The following CHEK1 variants were observed in gnomAD, a reference collection of about 807,000 sequenced individuals.
CHEK1 encodes checkpoint kinase 1.
A neutral mutation model predicts 60.2 loss-of-function variants in CHEK1; 32 were observed. The observed-to-expected ratio is 0.53, with a 90% CI of 0.40 to 0.71. The LOEUF (loss-of-function observed/expected upper bound fraction) is 0.71. Among genes scored for constraint, CHEK1 ranks in the 30% least tolerant of loss-of-function variants. The probability of loss-of-function intolerance (pLI) is 0.00; values close to 1 mark genes in which losing one functional copy is unlikely to be tolerated. For synonymous variants in CHEK1, 179 were observed against 187.2 expected (o/e 0.96, Z 0.36); for missense variants, 399 against 564.6 (o/e 0.71, Z 2.97).
intron 11 of CHEK1, among the ~76,000 whole-genome samples, chr11:125,651,938 C>T (rs1941752619): frequency 6.6e-6 from 1 of 152,154 alleles, no homozygotes; most frequent in Non-Finnish European, 1.5e-5. Context: ...GACATCACTC[C>T]TTGATTCACT....
chr11:125,625,881 C>A lies in CHEK1; in HGVS notation c.-152C>A, dbSNP rs777220059. On this transcript the variant is annotated 5_prime_UTR_variant, in exon 1 of 13. Coordinates refer to ENST00000438015, the MANE Select transcript of CHEK1 (RefSeq NM_001114122.3). ...TTGGAGCCGCCGACATTCAGAGGGG[C>A]AGGACACGGGAACGCGCGCTGTCTT... 1.9e-5 allele frequency: 13 copies of A among 702,546 alleles called. No individual in the cohort carries two copies. The highest frequency in any genetic ancestry group is 2.6e-5 in the Non-Finnish European group (10 of 385,026). The allele number at this position is 702,546 out of a possible 1,614,324, so 43.5% of individuals were successfully genotyped here.
At chr11:125,652,140 G>T (rs572513588) in intron 11 of CHEK1, among the ~76,000 whole-genome samples, 1 of 152,100 alleles carries the variant, frequency 6.6e-6, no homozygotes, top group Non-Finnish European at 1.5e-5. Context: ...TTGTAATTTG[G>T]GCTGTGTTTT....
intron 13 of CHEK1, among the ~76,000 whole-genome samples, chr11:125,664,647 G>C (rs1942069039): frequency 6.6e-6 from 1 of 152,108 alleles, no homozygotes; most frequent in African/African-American, 2.4e-5. Flanking sequence ...CTATTGAGCT[G>C]TCTGAGTTTC....
chr11:125,673,599 G>A (rs79534074), intron 13 of CHEK1, among the ~76,000 whole-genome samples: 11,595 of 152,088 alleles, frequency 0.076, 520 homozygotes, highest in African/African-American at 0.12. Context: ...CTCCCAAGTT[G>A]AACTGTCACA....
At position 125,629,442 on chromosome 11, in the gene CHEK1, C is replaced by G; in HGVS notation, c.406C>G (p.Leu136Val). The change falls in exon 5 of 13, where the codon CTT becomes GTT. Residue 136 changes from leucine to valine, a missense_variant. Physicochemically the swap from Leu to Val is conservative, Grantham distance 32. Transcript: ENST00000438015. ...ITHRDIKPENLLLDERDNLKI... is the reference protein window; with the variant it reads ...ITHRDIKPENVLLDERDNLKI... ...TCACAGGGATATTAAACCAGAAAAT[C>G]TTCTGTTGGATGAAAGGGGTAAGTT... 1 of 1,612,698 alleles carries G rather than the reference C, an allele frequency of 6.2e-7. No homozygotes were observed. Among genetic ancestry groups the G allele is most frequent in the Admixed American group, 1.7e-5 (1 of 59,984 alleles).
downstream of CHEK1, among the ~76,000 whole-genome samples, chr11:125,678,741 A>G (rs1409550879): frequency 6.6e-6 from 1 of 151,972 alleles, no homozygotes; most frequent in African/African-American, 2.4e-5. Flanking sequence ...AGGGAGAGAG[A>G]AAGCAAGTAG....
At chr11:125,676,517 G>A, downstream of CHEK1, 1 of 1,612,634 alleles carries the variant, frequency 6.2e-7, no homozygotes, top group Non-Finnish European at 8.5e-7. Flanking sequence ...TTTCCTTGTG[G>A]ACCAGATGTG....
At chr11:125,644,296 A>G in intron 10 of CHEK1, 28 bp downstream of exon 10, 1 of 1,579,810 alleles carries the variant, frequency 6.3e-7, no homozygotes, top group Non-Finnish European at 8.6e-7. Context: ...TTTAAAAGTA[A>G]TGGCAGCTCT....
At chr11:125,626,406 C>A in intron 1 of CHEK1, 1 of 430,970 alleles carries the variant, frequency 2.3e-6, no homozygotes, top group South Asian at 3.6e-5. Context: ...TCCTCTTCCT[C>A]TCTTCCCCAG....
In CHEK1 at chr11:125,641,648, A is replaced by G. The variant is rs1256363384; in HGVS notation, c.815-2144A>G. On this transcript the variant is annotated intron_variant, in intron 8 of 12. Coordinates refer to ENST00000438015, the MANE Select transcript of CHEK1 (RefSeq NM_001114122.3). ...TTCAAAGTCTTTCCCATGTTGGTTA[A>G]TGGCAACTGCATTATTCTTATTATG... Among the ~76,000 whole-genome samples the G allele has an allele frequency of 2.6e-5, 4 of 152,248 alleles. No homozygotes were observed. The South Asian group carries it at 8.3e-4, about 32-fold the overall frequency.
intron 13 of CHEK1, chr11:125,672,790 A>G (rs1163335689): frequency 1.3e-6 from 2 of 1,578,172 alleles, no homozygotes; most frequent in Non-Finnish European, 1.7e-6. Flanking sequence ...TGTGATGCTC[A>G]GTGTCTCCAT....
At chr11:125,649,615 T>A (rs1189708828) in intron 11 of CHEK1, 1 of 152,070 alleles carries the variant, frequency 6.6e-6, no homozygotes, top group Non-Finnish European at 1.5e-5. Flanking sequence ...TAATGCCAGC[T>A]ATTGGGGAGG....
intron 6 of CHEK1, among the ~76,000 whole-genome samples, chr11:125,634,500 G>T (rs904970340): frequency 2.0e-5 from 3 of 150,954 alleles, no homozygotes; most frequent in African/African-American, 4.9e-5. Context: ...TTTGTTGTGG[G>T]TTTTTTTTCA....
intron 11 of CHEK1, among the ~76,000 whole-genome samples, chr11:125,650,458 G>GTTTTTTTTT (rs71279471): frequency 7.6e-6 from 1 of 130,752 alleles, no homozygotes; most frequent in African/African-American, 2.9e-5. Flanking sequence ...AGTGGTGTTT[G>GTTTTTTTTT]TTTTTTTTTT....
intron 5 of CHEK1, among the ~76,000 whole-genome samples, chr11:125,632,442 A>G (rs945986346): frequency 1.3e-5 from 2 of 152,124 alleles, no homozygotes; most frequent in Non-Finnish European, 2.9e-5. Context: ...ATAGTGCTCT[A>G]TATTTTTATA....
intron 13 of CHEK1, chr11:125,671,806 T>C (rs1942210485): frequency 6.6e-6 from 1 of 152,226 alleles, no homozygotes. Flanking sequence ...TGTCTACCAC[T>C]CTGGGATCTT....
Position 125,653,986 on chromosome 11 carries a change from C to T in CHEK1, c.1335+139C>T, listed in dbSNP as rs532933305. On this transcript the variant is annotated intron_variant, in intron 12 of 12. Transcript: ENST00000438015. This position sits in a 1 kb window ranked among gnomAD's most constrained non-coding sequence, Gnocchi z 4.3. ...GTTTAATATTATGAGCATGTGTTTT[C>T]GTTATCTATTTTTCCCGAACATTGT... 105 of 500,660 alleles carry T rather than the reference C, an allele frequency of 2.1e-4. 2 individuals are homozygous for T. The highest frequency in any genetic ancestry group is 2.1e-3 in the Middle Eastern group (4 of 1,910). 31.0% of individuals were successfully genotyped at this position (500,660 alleles called of 1,614,324 possible).
intron 11 of CHEK1, among the ~76,000 whole-genome samples, chr11:125,645,998 CTTTAACCAT>C (rs954368109): frequency 1.3e-5 from 2 of 152,100 alleles, no homozygotes; most frequent in Admixed American, 1.3e-4. Flanking sequence ...AGAATCATCA[CTTTAACCAT>C]TTTAAAATGT....
At position 125,653,446 on chromosome 11, in the gene CHEK1, T is replaced by C. The variant is rs1198020320; in HGVS notation, c.1234-300T>C. Among the ~76,000 whole-genome samples, 1 of 152,120 alleles carries C rather than the reference T, an allele frequency of 6.6e-6. No homozygotes were observed. The highest frequency in any genetic ancestry group is 1.5e-5 in the Non-Finnish European group (1 of 67,994). On this transcript the variant is annotated intron_variant, in intron 11 of 12. Transcript: ENST00000438015. This position sits in a 1 kb window ranked among gnomAD's most constrained non-coding sequence, Gnocchi z 4.3. The stretch of plus-strand genomic sequence containing the variant: ...GCCCAGCCTGGTCTGAAGCGATCCT[T>C]CTGCTTTGGCCTCCCAAAGTGCTGG...
Sources: gnomAD v4.1 joint callset for allele counts (sites outside exome capture counted in the v4.1 genomes callset) on GRCh38, gnomAD v4.1.1 for gene constraint, Gnocchi (gnomAD v3.1) non-coding constraint, MANE v1.5 for transcripts, NCBI Gene and HGNC (gene_info 2026-07-23, HGNC 2026-07-21) for gene names.